Variants in FBLN7 observed in about 807,000 individuals in gnomAD.
The protein encoded by FBLN7 is fibulin-7.
In FBLN7, 31 loss-of-function variants were observed where a neutral mutation model predicts 44.0. The observed-to-expected ratio is 0.70, with a 90% CI of 0.53 to 0.95. The LOEUF (loss-of-function observed/expected upper bound fraction) is 0.95. Ranked by LOEUF, FBLN7 falls within the 40% of genes least tolerant of loss-of-function variation. The pLI, the probability that FBLN7 is intolerant of heterozygous loss-of-function variation, is 0.00. For missense variants in FBLN7, 573 were observed against 618.5 expected, an observed-to-expected ratio of 0.93 and a Z score of 0.78; for synonymous variants, 262 against 253.4, an observed-to-expected ratio of 1.03 and a Z score of -0.32.
intron 2 of FBLN7, 121 bp from the exon 3 acceptor site, chr2:112,164,880 C>T: frequency 5.4e-6 from 6 of 1,101,770 alleles, no homozygotes; most frequent in South Asian, 4.6e-5. Flanking sequence ...CAGCACAGTG[C>T]ACAGCCTGCA....
intron 4 of FBLN7, among the ~76,000 whole-genome samples, chr2:112,181,447 G>T (rs1682984988): frequency 6.6e-6 from 1 of 152,122 alleles, no homozygotes; most frequent in Non-Finnish European, 1.5e-5. Flanking sequence ...GTCTTTTTAA[G>T]TGAAGACGTG....
the FBLN7 span, among the ~76,000 whole-genome samples, chr2:112,222,709 C>CTAAAG: frequency 6.6e-6 from 1 of 152,076 alleles, no homozygotes; most frequent in Non-Finnish European, 1.5e-5. Context: ...TATGAGATAT[C>CTAAAG]TAAAGTAGTC....
the FBLN7 span, among the ~76,000 whole-genome samples, chr2:112,197,869 T>C: frequency 6.6e-6 from 1 of 152,214 alleles, no homozygotes; most frequent in African/African-American, 2.4e-5. Flanking sequence ...TTTTTCTTTT[T>C]CTATTTCTGA....
chr2:112,151,758 G>A (rs1191551017), intron 1 of FBLN7: 1 of 152,220 alleles, frequency 6.6e-6, no homozygotes, highest in African/African-American at 2.4e-5. Context: ...TACCCGGCTT[G>A]TGTACCTAGG....
chr2:112,209,605 T>C, the FBLN7 span, among the ~76,000 whole-genome samples: 5 of 152,222 alleles, frequency 3.3e-5, no homozygotes, highest in Middle Eastern at 6.8e-3. Context: ...ACATTGAGAA[T>C]GTCAACATGA....
At chr2:112,175,430 A>G (rs895017905) in intron 3 of FBLN7, among the ~76,000 whole-genome samples, 5 of 152,186 alleles carry the variant, frequency 3.3e-5, no homozygotes, top group Non-Finnish European at 5.9e-5. Flanking sequence ...TGGGTGGGGT[A>G]TGGCCAGCTC....
At chr2:112,150,601 G>C (rs1681110248) in intron 1 of FBLN7, among the ~76,000 whole-genome samples, 1 of 152,136 alleles carries the variant, frequency 6.6e-6, no homozygotes, top group African/African-American at 2.4e-5. Flanking sequence ...TGGGAGGCCT[G>C]AGGCAGCGTA....
At chr2:112,219,057 ATCAAAT>A in the FBLN7 span, among the ~76,000 whole-genome samples, 1 of 152,222 alleles carries the variant, frequency 6.6e-6, no homozygotes, top group African/African-American at 2.4e-5. Flanking sequence ...TGCAATCTCT[ATCAAAT>A]TCAAATTGAT....
chr2:112,187,639 CA>C lies in FBLN7; in HGVS notation c.*134del. ...CACCAGTGCACCCAGGCTTCTAGGG[CA>C]GCGTTGCACGGCGCCCCATGGAATA... On this transcript the variant is annotated 3_prime_UTR_variant, in exon 8 of 8. Transcript: ENST00000331203. This position sits in a 1 kb window ranked among gnomAD's most constrained non-coding sequence, Gnocchi z 5.1. 8.1e-7 allele frequency: 1 copy of C among 1,239,188 alleles called. No individual in the cohort carries two copies. The highest frequency in any genetic ancestry group is 1.1e-6 in the Non-Finnish European group (1 of 890,124). The allele number at this position is 1,239,188 out of a possible 1,614,324, so 76.8% of individuals were successfully genotyped here. A position where few individuals can be genotyped will look rare whatever the true frequency, so the allele number is the denominator to read the frequency against.
intron 1 of FBLN7, among the ~76,000 whole-genome samples, chr2:112,154,264 C>T (rs1013471445): frequency 6.6e-6 from 1 of 152,164 alleles, no homozygotes; most frequent in Non-Finnish European, 1.5e-5. Context: ...TTGTCAATGA[C>T]ATAAGTTGGG....
At chr2:112,199,479 C>T in the FBLN7 span, among the ~76,000 whole-genome samples, 3 of 152,138 alleles carry the variant, frequency 2.0e-5, no homozygotes, top group Non-Finnish European at 4.4e-5. Flanking sequence ...ATCATCTAAG[C>T]ATAAACTCTC....
At position 112,187,704 on chromosome 2, in the gene FBLN7, A is replaced by T; in HGVS notation, c.*198A>T. On this transcript the variant is annotated 3_prime_UTR_variant, in exon 8 of 8. Coordinates refer to ENST00000331203, the MANE Select transcript of FBLN7 (RefSeq NM_153214.3). This position sits in a 1 kb window ranked among gnomAD's most constrained non-coding sequence, Gnocchi z 5.1. ...GCCACAAAACTCAACTGCTGCCATC[A>T]CTCTTTTTTTTTTTCTGCTTTGAGG... 4.9e-6 allele frequency: 3 copies of T among 616,024 alleles called. No homozygotes were observed. The highest frequency in any genetic ancestry group is 2.5e-5 in the South Asian group (1 of 39,676). 38.2% of individuals were successfully genotyped at this position (616,024 alleles called of 1,614,324 possible).
the FBLN7 span, among the ~76,000 whole-genome samples, chr2:112,209,282 G>C: frequency 1.3e-5 from 2 of 152,142 alleles, no homozygotes; most frequent in Non-Finnish European, 2.9e-5. Flanking sequence ...CCCTTTATCT[G>C]CACCTCCGGC....
chr2:112,180,317 G>T (rs1682920543), intron 4 of FBLN7, among the ~76,000 whole-genome samples: 1 of 152,080 alleles, frequency 6.6e-6, no homozygotes, highest in African/African-American at 2.4e-5. Flanking sequence ...CCTCAGAATG[G>T]CTATTATTAA....
the FBLN7 span, chr2:112,215,398 T>C: frequency 1.3e-5 from 2 of 152,246 alleles, no homozygotes; most frequent in Non-Finnish European, 2.9e-5. Context: ...GATTTACCCT[T>C]GTTTCCTGCT....
chr2:112,175,982 C>T (rs1408417667), intron 4 of FBLN7, 143 bp downstream of exon 4: 12 of 1,050,852 alleles, frequency 1.1e-5, no homozygotes, highest in South Asian at 3.9e-5. Flanking sequence ...TCACATCCAC[C>T]GATCCCTCTG....
the FBLN7 span, among the ~76,000 whole-genome samples, chr2:112,236,241 G>A: frequency 7.9e-5 from 12 of 152,226 alleles, no homozygotes; most frequent in African/African-American, 2.9e-4. Flanking sequence ...GTTACAAGGC[G>A]AGACTCTGTC....
At chr2:112,145,144 G>A (rs6755850) in intron 1 of FBLN7, among the ~76,000 whole-genome samples, 68,780 of 152,024 alleles carry the variant, frequency 0.45, 15,835 homozygotes, top group Middle Eastern at 0.64. Context: ...ATTCTAGTAA[G>A]CATGCAGTGG....
chr2:112,196,459 G>A, the FBLN7 span, among the ~76,000 whole-genome samples: 1 of 139,900 alleles, frequency 7.1e-6, no homozygotes, highest in Non-Finnish European at 1.5e-5. Flanking sequence ...TCATGCCAGT[G>A]CAGTGGCATG....
Sources: gnomAD v4.1 joint callset for allele counts (sites outside exome capture counted in the v4.1 genomes callset) on GRCh38, gnomAD v4.1.1 for gene constraint, Gnocchi (gnomAD v3.1) non-coding constraint, MANE v1.5 for transcripts, NCBI Gene and HGNC (gene_info 2026-07-23, HGNC 2026-07-21) for gene names.